GPHN: variants seen among roughly 807,000 people sequenced by gnomAD.
GPHN encodes gephyrin.
A neutral mutation model predicts 95.5 loss-of-function variants in GPHN; 17 were observed. The ratio of observed to expected loss-of-function variants is 0.18; its 90% CI spans 0.12 to 0.27. The LOEUF is 0.27. Ranked by LOEUF, GPHN falls within the 10% of genes least tolerant of loss-of-function variation. GPHN has a pLI of 1.00. For missense variants in GPHN, 660 were observed against 978.1 expected (o/e 0.67, Z 4.34); for synonymous variants, 320 against 322.5 (o/e 0.99, Z 0.08).
intron 6 of GPHN, among the ~76,000 whole-genome samples, chr14:66,920,508 T>C (rs995332859): frequency 2.0e-5 from 3 of 151,932 alleles, no homozygotes; most frequent in African/African-American, 4.8e-5. Context: ...ATAGAAATTT[T>C]ACTTTTTTTA....
At chr14:66,974,425 AT>A (rs1221405896) in intron 9 of GPHN, among the ~76,000 whole-genome samples, 2 of 151,864 alleles carry the variant, frequency 1.3e-5, no homozygotes, top group African/African-American at 4.8e-5. Context: ...TTCCCCATCT[AT>A]TTCTAATTAT....
intron 12 of GPHN, among the ~76,000 whole-genome samples, chr14:67,100,327 G>C (rs995379636): frequency 6.6e-6 from 1 of 152,076 alleles, no homozygotes. Context: ...AGAAAGGAAT[G>C]TTCTTCCTAT....
chr14:66,548,533 A>G (rs1225611368), intron 1 of GPHN, among the ~76,000 whole-genome samples: 1 of 152,208 alleles, frequency 6.6e-6, no homozygotes, highest in Non-Finnish European at 1.5e-5. Context: ...TAATATGGTG[A>G]ACATAATATG....
At chr14:67,388,669 A>G in the GPHN span, among the ~76,000 whole-genome samples, 4 of 152,092 alleles carry the variant, frequency 2.6e-5, no homozygotes, top group African/African-American at 9.7e-5. Flanking sequence ...TCAGAAATAT[A>G]TATTTATAGT....
At chr14:66,968,952 T>C (rs752413310) in intron 9 of GPHN, 1 of 148,144 alleles carries the variant, frequency 6.8e-6, no homozygotes, top group Non-Finnish European at 1.5e-5. Flanking sequence ...AAATTATATA[T>C]TGACCGTTTA....
the GPHN span, among the ~76,000 whole-genome samples, chr14:67,602,693 A>C: frequency 1.3e-5 from 2 of 152,222 alleles, no homozygotes; most frequent in African/African-American, 2.4e-5. Context: ...AATATGGGCA[A>C]CAAACTAGTA....
At chr14:66,631,348 G>A (rs994863190) in intron 1 of GPHN, among the ~76,000 whole-genome samples, 1 of 152,074 alleles carries the variant, frequency 6.6e-6, no homozygotes, top group African/African-American at 2.4e-5. Flanking sequence ...CGCCCGGCCG[G>A]CACAGTCGTC....
the GPHN span, among the ~76,000 whole-genome samples, chr14:67,195,034 T>C: frequency 6.6e-6 from 1 of 152,206 alleles, no homozygotes; most frequent in Non-Finnish European, 1.5e-5. Flanking sequence ...TAATTGGAGA[T>C]GTTGGTGGGG....
At chr14:67,297,994 T>C in the GPHN span, among the ~76,000 whole-genome samples, 1 of 152,118 alleles carries the variant, frequency 6.6e-6, no homozygotes, top group Non-Finnish European at 1.5e-5. Flanking sequence ...TAATCACAGT[T>C]GTTGTGGGGA....
At chr14:67,343,225 T>C in the GPHN span, 59 of 522,424 alleles carry the variant, frequency 1.1e-4, no homozygotes, top group Non-Finnish European at 1.9e-4. Flanking sequence ...TTTTTTACTA[T>C]GGACACACTT....
the GPHN span, chr14:67,340,591 A>T: frequency 6.5e-6 from 8 of 1,237,524 alleles, no homozygotes; most frequent in Admixed American, 1.9e-5. Flanking sequence ...GCTCATTTGT[A>T]TAACAGTTAT....
chr14:66,645,127 T>G (rs1463556780), intron 1 of GPHN, among the ~76,000 whole-genome samples: 3 of 152,140 alleles, frequency 2.0e-5, no homozygotes, highest in African/African-American at 7.2e-5. Flanking sequence ...GCACTTGTAA[T>G]TTTTAATTGC....
intron 5 of GPHN, among the ~76,000 whole-genome samples, chr14:66,905,556 C>T (rs79732719): frequency 0.019 from 2,864 of 152,068 alleles, 39 homozygotes; most frequent in Non-Finnish European, 0.024. Context: ...TGGCTTGTTT[C>T]GCTTTTTTGT....
Position 66,932,444 on chromosome 14 carries a change from G to GTGT in GPHN, c.828+8153_828+8154insGTT, listed in dbSNP as rs2066855722. On this transcript the variant is annotated intron_variant, in intron 8 of 22. Transcript: ENST00000478722. Reference sequence around the variant, plus strand: ...AGGTGGGGAATCCTGCCAAGACCAGGTTTTTTTTTTTTTTTTTTTTTTTTT... The same window carrying GTGT: ...AGGTGGGGAATCCTGCCAAGACCAGGTGTTTTTTTTTTTTTTTTTTTTTTTTTT... Among the ~76,000 whole-genome samples the GTGT allele has an allele frequency of 2.0e-4, 5 of 24,394 alleles. 1 individual carries two copies. The South Asian group carries it at 0.012, about 59-fold the overall frequency. The allele number at this position is 24,394 out of a possible 152,430, so 16.0% of individuals were successfully genotyped here. A position where few individuals can be genotyped will look rare whatever the true frequency, so the allele number is the denominator to read the frequency against.
chr14:66,699,959 C>A (rs2068406413), intron 2 of GPHN, among the ~76,000 whole-genome samples: 2 of 152,080 alleles, frequency 1.3e-5, no homozygotes, highest in Admixed American at 1.3e-4. Flanking sequence ...TTTCTTATGA[C>A]TGGATAACTA....
intron 9 of GPHN, among the ~76,000 whole-genome samples, chr14:66,970,001 A>G (rs962557648): frequency 1.3e-5 from 2 of 151,796 alleles, no homozygotes; most frequent in Non-Finnish European, 2.9e-5. Flanking sequence ...ATTTTGAGTA[A>G]GTAAATATAG....
chr14:66,581,826 A>G (rs145443242), intron 1 of GPHN, among the ~76,000 whole-genome samples: 2 of 152,154 alleles, frequency 1.3e-5, no homozygotes, highest in Non-Finnish European at 2.9e-5. Flanking sequence ...AAAGGGGTCA[A>G]TTTATGAAGA....
At chr14:67,613,087 C>T in the GPHN span, 1 of 151,694 alleles carries the variant, frequency 6.6e-6, no homozygotes, top group African/African-American at 2.4e-5. Flanking sequence ...TTGAGGATTG[C>T]AATACAGGAG....
intron 1 of GPHN, among the ~76,000 whole-genome samples, chr14:66,599,245 A>G (rs1429640176): frequency 3.3e-5 from 5 of 152,026 alleles, no homozygotes; most frequent in African/African-American, 1.2e-4. Context: ...TTGGAGAGAA[A>G]AACATGAATC....
Sources: gnomAD v4.1 joint callset for allele counts (sites outside exome capture counted in the v4.1 genomes callset) on GRCh38, gnomAD v4.1.1 for gene constraint, MANE v1.5 for transcripts, NCBI Gene and HGNC (gene_info 2026-07-23, HGNC 2026-07-21) for gene names.